The following PDCD11 variants were observed in gnomAD, a reference collection of about 807,000 sequenced individuals.
The protein encoded by PDCD11 is protein RRP5 homolog.
A neutral mutation model predicts 198.9 loss-of-function variants in PDCD11; 97 were observed. The ratio of observed to expected loss-of-function variants is 0.49; its 90% CI spans 0.41 to 0.58. PDCD11 has a LOEUF of 0.58. Among genes scored for constraint, PDCD11 ranks in the 20% least tolerant of loss-of-function variants. PDCD11 has a pLI of 0.00. For missense variants in PDCD11, 2,102 were observed against 2,312.7 expected (o/e 0.91, Z 1.87); for synonymous variants, 893 against 918.0 (o/e 0.97, Z 0.49).
At chr10:103,427,944 G>T (rs2031768041) in intron 21 of PDCD11, among the ~76,000 whole-genome samples, 1 of 152,108 alleles carries the variant, frequency 6.6e-6, no homozygotes. Flanking sequence ...AGGCTCTGTG[G>T]CTCAGTCCTG....
Position 103,421,464 on chromosome 10 carries a change from G to C in PDCD11, c.2394G>C (p.Arg798=). 2 of 1,602,744 alleles carry C rather than the reference G, an allele frequency of 1.2e-6. No homozygotes were observed. The highest frequency in any genetic ancestry group is 1.7e-4 in the Middle Eastern group (1 of 6,050). Residue 798 remains arginine (R), a synonymous_variant, in exon 17 of 36, where the codon CGG becomes CGC. Coordinates refer to ENST00000369797, the MANE Select transcript of PDCD11 (RefSeq NM_014976.2). ...EEKQRMLLSL[R]LSDCGLGDLA... ...AGCAGCGGATGCTGCTGTCACTGCG[G>C]CTGTCGGACTGTGGTCTGGGGGACT...
At chr10:103,440,908 A>G (rs2032360044) in intron 30 of PDCD11, 58 bp downstream of exon 30, 9 of 1,182,360 alleles carry the variant, frequency 7.6e-6, no homozygotes, top group South Asian at 2.8e-5. Flanking sequence ...GAGCTGGGCC[A>G]TCCTCTGCCT....
chr10:103,421,261 C>T (rs1344600363), intron 16 of PDCD11, 87 bp from the exon 17 acceptor site: 3 of 1,027,162 alleles, frequency 2.9e-6, no homozygotes, highest in Non-Finnish European at 4.4e-6. Context: ...TTTCCCCCTA[C>T]TCACGTACCC....
In PDCD11 at chr10:103,409,799, A is replaced by G. The variant is rs780610387; in HGVS notation, c.971A>G (p.Asn324Ser). The change falls in exon 8 of 36, where the codon AAT becomes AGT. Residue 324 changes from asparagine (N) to serine (S), a missense_variant. Coordinates refer to ENST00000369797, the MANE Select transcript of PDCD11 (RefSeq NM_014976.2). Reference sequence around the variant, plus strand: ...AAGAAAGCTGGAACATATTTCTCAAATCAGGCAGTAAGAAATGTTGAGCCT... The same window carrying G: ...AAGAAAGCTGGAACATATTTCTCAAGTCAGGCAGTAAGAAATGTTGAGCCT... ...DPKKAGTYFS[N>S]QAVRACILCV... 3 of 1,608,606 alleles carry G rather than the reference A, an allele frequency of 1.9e-6. No homozygotes were observed. Among genetic ancestry groups the G allele is most frequent in the Non-Finnish European group, 2.6e-6 (3 of 1,174,934 alleles).
At chr10:103,442,071 G>C (rs1037847352) in intron 31 of PDCD11, 96 bp downstream of exon 31, 28 of 1,558,566 alleles carry the variant, frequency 1.8e-5, no homozygotes, top group Non-Finnish European at 2.4e-5. Context: ...CTGGGTGAGT[G>C]GGGGAGGGGG....
Position 103,421,459 on chromosome 10 carries a change from C to T in PDCD11, c.2389C>T (p.Leu797=). 1 of 1,603,224 alleles carries T rather than the reference C, an allele frequency of 6.2e-7. No homozygotes were observed. Among genetic ancestry groups the T allele is most frequent in the Non-Finnish European group, 8.5e-7 (1 of 1,174,874 alleles). Residue 797 remains leucine (L), a synonymous_variant, in exon 17 of 36, where the codon CTG becomes TTG. Transcript: ENST00000369797. Reference sequence around the variant, plus strand: ...GGAGAAGCAGCGGATGCTGCTGTCACTGCGGCTGTCGGACTGTGGTCTGGG... The same window carrying T: ...GGAGAAGCAGCGGATGCTGCTGTCATTGCGGCTGTCGGACTGTGGTCTGGG... ...DEEKQRMLLS[L]RLSDCGLGDL... is the part of the protein sequence containing the mutation.
At chr10:103,408,272 C>G (rs1370827099) in intron 7 of PDCD11, among the ~76,000 whole-genome samples, 1 of 151,944 alleles carries the variant, frequency 6.6e-6, no homozygotes, top group Non-Finnish European at 1.5e-5. Flanking sequence ...AGCCGGTATC[C>G]TAGGACTTCC....
chr10:103,435,043 G>T, intron 25 of PDCD11, 68 bp downstream of exon 25: 1 of 1,199,168 alleles, frequency 8.3e-7, no homozygotes. Flanking sequence ...AAACGTTGTT[G>T]TAATACATGA....
Position 103,409,717 on chromosome 10 carries a change from A to C in PDCD11, c.889A>C (p.Thr297Pro). Residue 297 changes from threonine to proline, a missense_variant, in exon 8 of 36, where the codon ACG becomes CCG. Thr to Pro is a conservative substitution (Grantham distance 38). Coordinates refer to ENST00000369797, the MANE Select transcript of PDCD11 (RefSeq NM_014976.2). ...TTTCTAGGTGACTCCATTTGGCCTT[A>C]CGCTAAACTTCCTCACATTCTTCAC... The part of the protein sequence containing the change: ...QVQKVTPFGL[T>P]LNFLTFFTGV... 1 of 1,613,868 alleles carries C rather than the reference A, an allele frequency of 6.2e-7. No homozygotes were observed. The highest frequency in any genetic ancestry group is 8.5e-7 in the Non-Finnish European group (1 of 1,179,774).
chr10:103,421,368 G>C lies in PDCD11; in HGVS notation c.2298G>C (p.Val766=). ...TTCAGATCATGAGTGACAAATTTGT[G>C]ACCTCCACAAGTGACCACTTTGTTG... The part of the protein sequence containing the change: ...APKAIMSDKF[V]TSTSDHFVEG... The change falls in exon 17 of 36, where the codon GTG becomes GTC. Residue 766 remains valine, a synonymous_variant. Transcript: ENST00000369797. 1 of 1,608,704 alleles carries C rather than the reference G, an allele frequency of 6.2e-7. No homozygotes were observed. Among genetic ancestry groups the C allele is most frequent in the Non-Finnish European group, 8.5e-7 (1 of 1,177,476 alleles).
At chr10:103,411,046 G>T (rs2133691473) in intron 8 of PDCD11, among the ~76,000 whole-genome samples, 1 of 150,930 alleles carries the variant, frequency 6.6e-6, no homozygotes, top group South Asian at 2.1e-4. Context: ...CTGCACCCCA[G>T]CCTGAGCGAC....
Position 103,434,824 on chromosome 10 carries a change from G to T in PDCD11, c.3694G>T (p.Val1232Leu). Residue 1232 changes from valine (V) to leucine (L), a missense_variant, in exon 25 of 36, where the codon GTG becomes TTG. Transcript: ENST00000369797. ...TCCTCACAAGCTTGAGGAAGGGGAAGTGGCCATGGGCCGAGTGGTGAAGGT... is the reference window on the plus strand; with the variant it reads ...TCCTCACAAGCTTGAGGAAGGGGAATTGGCCATGGGCCGAGTGGTGAAGGT... Reference protein sequence around the residue: ...TGPHKLEEGEVAMGRVVKVTP... With the variant: ...TGPHKLEEGELAMGRVVKVTP... The T allele has an allele frequency of 6.2e-7, 1 of 1,610,118 alleles. No homozygotes were observed. The highest frequency in any genetic ancestry group is 8.5e-7 in the Non-Finnish European group (1 of 1,178,476).
Position 103,432,162 on chromosome 10 carries a change from TCA to T in PDCD11, c.3404_3405del (p.His1135LeufsTer3). On this transcript the variant is annotated frameshift_variant, in exon 22 of 36. Transcript: ENST00000369797. LOFTEE classifies it high-confidence loss of function. The part of the protein sequence containing the change: ...LEDGHTALNT[H>X]SVSPMEKIKQ... Reference sequence around the variant, plus strand: ...AGGATGGCCACACTGCTCTTAACACTCACTCTGTTAGCCCCATGGAGAAGATT... The same window carrying T: ...AGGATGGCCACACTGCTCTTAACACTCTCTGTTAGCCCCATGGAGAAGATT... 6.2e-7 allele frequency: 1 copy of T among 1,613,982 alleles called. No homozygotes were observed. The highest frequency in any genetic ancestry group is 1.1e-5 in the South Asian group (1 of 91,080).
chr10:103,406,851 T>C, intron 7 of PDCD11, 61 bp downstream of exon 7: 4 of 1,353,314 alleles, frequency 3.0e-6, no homozygotes, highest in Non-Finnish European at 4.1e-6. Context: ...AAATATTAAA[T>C]GCATAAAGTC....
At chr10:103,421,929 T>C (rs1340271072) in intron 17 of PDCD11, among the ~76,000 whole-genome samples, 1 of 131,876 alleles carries the variant, frequency 7.6e-6, no homozygotes, top group Non-Finnish European at 1.5e-5. Flanking sequence ...ATTGCGTCAC[T>C]GCAGCCCGCA....
At chr10:103,438,617 C>T in intron 26 of PDCD11, 69 bp from the exon 27 acceptor site, 1 of 1,588,784 alleles carries the variant, frequency 6.3e-7, no homozygotes, top group Non-Finnish European at 8.6e-7. Context: ...ATGATGGTTG[C>T]AGGTGTATTG....
intron 21 of PDCD11, among the ~76,000 whole-genome samples, chr10:103,430,013 C>T (rs6584550): frequency 0.33 from 49,923 of 151,894 alleles, 8,652 homozygotes; most frequent in South Asian, 0.48. Context: ...TTTTTAGAGA[C>T]AGGGTCTTGC....
intron 2 of PDCD11, 97 bp downstream of exon 2, chr10:103,398,625 AT>A (rs951141821): frequency 6.8e-5 from 55 of 809,094 alleles, no homozygotes; most frequent in African/African-American, 1.4e-4. Context: ...ATTTTTCCAG[AT>A]TTTTTTTGCA....
At chr10:103,441,615 CTAAA>C (rs2032387000) in intron 30 of PDCD11, among the ~76,000 whole-genome samples, 1 of 152,122 alleles carries the variant, frequency 6.6e-6, no homozygotes, top group Non-Finnish European at 1.5e-5. Flanking sequence ...ATTTTGTTAT[CTAAA>C]TAAATGTATT....
Sources: allele counts gnomAD v4.1 joint callset (sites outside exome capture counted in the v4.1 genomes callset), GRCh38; gene constraint gnomAD v4.1.1; transcripts MANE v1.5; gene names NCBI Gene and HGNC (gene_info 2026-07-23, HGNC 2026-07-21).